Variants in DOCK8 observed in about 807,000 individuals in gnomAD.
DOCK8 encodes dedicator of cytokinesis protein 8.
Under a neutral mutation model 245.6 loss-of-function variants are expected in DOCK8, and 141 were observed. That is an observed-to-expected ratio of 0.57 (90% CI 0.50 to 0.66). The LOEUF (loss-of-function observed/expected upper bound fraction) is 0.66, where lower values mean the gene tolerates loss of function less well. DOCK8 is among the 30% of genes least tolerant of loss of function. DOCK8 has a pLI of 0.00. For synonymous variants in DOCK8, 1,168 were observed against 970.2 expected (o/e 1.20, Z -3.79); for missense variants, 2,965 against 2,603.4 (o/e 1.14, Z -3.02).
chr9:284,119 A>G (rs1251087102), intron 2 of DOCK8, among the ~76,000 whole-genome samples: 1 of 152,218 alleles, frequency 6.6e-6, no homozygotes, highest in Non-Finnish European at 1.5e-5. Context: ...AAGTCATTCA[A>G]TCCTGACTCT....
chr9:214,628 G>C (rs2046689258), upstream of DOCK8: 1 of 1,612,804 alleles, frequency 6.2e-7, no homozygotes, highest in Non-Finnish European at 8.5e-7. Flanking sequence ...GCGCGCAGTG[G>C]TCGCCTGTCG....
intron 36 of DOCK8, among the ~76,000 whole-genome samples, chr9:430,572 C>G (rs1178647529): frequency 1.3e-5 from 2 of 151,582 alleles, no homozygotes; most frequent in Admixed American, 1.3e-4. Context: ...ATCTTAGCTA[C>G]TGGGGAGGCT....
intron 35 of DOCK8, among the ~76,000 whole-genome samples, chr9:428,821 G>A (rs2056597825): frequency 6.6e-6 from 1 of 152,194 alleles, no homozygotes; most frequent in Non-Finnish European, 1.5e-5. Context: ...TACCTCTGCT[G>A]AGTGAGATTA....
At chr9:238,998 A>G (rs1015120650) in intron 1 of DOCK8, among the ~76,000 whole-genome samples, 3 of 152,124 alleles carry the variant, frequency 2.0e-5, no homozygotes, top group African/African-American at 7.2e-5. Context: ...TACTCTGTGC[A>G]TGTTTGGGAT....
chr9:214,923 GC>G lies in DOCK8; in HGVS notation c.-49del, dbSNP rs770246521. On this transcript the variant is annotated 5_prime_UTR_variant, in exon 1 of 48. The change abolishes the stop of an existing upstream ORF in the 5' untranslated region. Coordinates refer to ENST00000432829, the MANE Select transcript of DOCK8 (RefSeq NM_203447.4). ...CCGCGGCTACTCTGCGGCGCGCCAG[GC>G]CCCCGCTTTCCGCACCCCGCGACCC... 6 of 1,604,144 alleles carry G rather than the reference GC, an allele frequency of 3.7e-6. No individual in the cohort carries two copies. Among genetic ancestry groups the G allele is most frequent in the Non-Finnish European group, 4.2e-6 (5 of 1,177,092 alleles).
intron 4 of DOCK8, among the ~76,000 whole-genome samples, chr9:302,857 G>A (rs1214636700): frequency 6.6e-6 from 1 of 152,146 alleles, no homozygotes; most frequent in African/African-American, 2.4e-5. Context: ...GACTGGGCAT[G>A]TGGCTTATGC....
chr9:219,260 A>G (rs1423465351), intron 1 of DOCK8, among the ~76,000 whole-genome samples: 1 of 152,188 alleles, frequency 6.6e-6, no homozygotes, highest in Non-Finnish European at 1.5e-5. Context: ...ACCTGAGGTC[A>G]GGAGTTCAAG....
intron 14 of DOCK8, among the ~76,000 whole-genome samples, chr9:356,545 AG>A (rs1417938389): frequency 2.0e-5 from 3 of 150,980 alleles, no homozygotes; most frequent in Non-Finnish European, 3.0e-5. Context: ...AAAAAAAAAA[AG>A]AAAAAATTTG....
intron 1 of DOCK8, among the ~76,000 whole-genome samples, chr9:234,792 A>G (rs1407581251): frequency 6.7e-6 from 1 of 148,672 alleles, no homozygotes; most frequent in East Asian, 2.2e-4. Flanking sequence ...CTAGTTATCC[A>G]TTCGTCTATT....
chr9:241,862 C>T (rs2047381113), intron 1 of DOCK8, among the ~76,000 whole-genome samples: 1 of 152,180 alleles, frequency 6.6e-6, no homozygotes, highest in Non-Finnish European at 1.5e-5. Context: ...AATCCTCCCA[C>T]TTCAGCCTCC....
intron 1 of DOCK8, among the ~76,000 whole-genome samples, chr9:222,127 G>C (rs1385421352): frequency 3.9e-5 from 6 of 151,906 alleles, no homozygotes; most frequent in African/African-American, 9.7e-5. Context: ...GGCAGACAGG[G>C]TGGTGCATGC....
chr9:420,467 A>G lies in DOCK8; in HGVS notation c.3907A>G (p.Ile1303Val), dbSNP rs890968867. 4 of 1,614,158 alleles carry G rather than the reference A, an allele frequency of 2.5e-6. No individual in the cohort carries two copies. The African/African-American group carries it at 4.0e-5, about 16-fold the overall frequency. ...TRNLMICFLW[I>V]MKNADQSLIR... is the part of the protein sequence containing the mutation. ...CAACCTCATGATCTGCTTCCTCTGG[A>G]TCATGAAAAATGCTGATCAGAGCCT... The change falls in exon 31 of 48, where the codon ATC (isoleucine) becomes GTC (valine). Residue 1303 changes from isoleucine (I) to valine (V), a missense_variant. Physicochemically the swap from Ile to Val is conservative, Grantham distance 29 (BLOSUM62 3). This residue lies in a region of DOCK8 where 2,825 missense variants were observed against 2,453.5 expected (regional missense o/e 1.15). Transcript: ENST00000432829.
At chr9:333,324 G>A (rs182293778) in intron 10 of DOCK8, among the ~76,000 whole-genome samples, 19 of 152,318 alleles carry the variant, frequency 1.2e-4, no homozygotes, top group East Asian at 5.8e-4. Context: ...GGCCTTGGCC[G>A]GGCGTGGTGG....
At chr9:446,927 A>G (rs777207937) in intron 44 of DOCK8, among the ~76,000 whole-genome samples, 2 of 151,934 alleles carry the variant, frequency 1.3e-5, no homozygotes, top group Admixed American at 1.3e-4. Context: ...TACCTTTTAA[A>G]TATTTTATAT....
At chr9:392,769 A>G (rs925754730) in intron 24 of DOCK8, among the ~76,000 whole-genome samples, 1 of 152,146 alleles carries the variant, frequency 6.6e-6, no homozygotes, top group African/African-American at 2.4e-5. Context: ...CTGGCAGGAA[A>G]GGGACTGGGC....
intron 45 of DOCK8, among the ~76,000 whole-genome samples, chr9:450,959 G>A (rs758949123): frequency 4.0e-5 from 6 of 151,792 alleles, no homozygotes; most frequent in Non-Finnish European, 7.4e-5. Flanking sequence ...ACCATTTGAT[G>A]TAGTTGTATT....
rs187790226 is a variant in DOCK8 at position 378,062 on chromosome 9, G to C, written c.2440+851G>C. 3.2e-3 allele frequency among the ~76,000 whole-genome samples: 483 copies of C among 152,268 alleles called. 1 individual carries two copies. Among genetic ancestry groups the C allele is most frequent in the African/African-American group, 0.011 (453 of 41,544 alleles). ...GCCCAGTACTGTACTAAAAGTTGTA[G>C]GCTTTGTGACAATAACCAAGAGCAT... On this transcript the variant is annotated intron_variant, in intron 20 of 47. Coordinates refer to ENST00000432829, the MANE Select transcript of DOCK8 (RefSeq NM_203447.4).
chr9:427,595 C>T (rs1234872385), intron 34 of DOCK8, among the ~76,000 whole-genome samples: 1 of 152,090 alleles, frequency 6.6e-6, no homozygotes, highest in African/African-American at 2.4e-5. Flanking sequence ...TTTTTAATTA[C>T]CCTGAAAAAT....
intron 37 of DOCK8, among the ~76,000 whole-genome samples, chr9:433,315 A>G (rs115110918): frequency 1.7e-3 from 259 of 152,356 alleles, no homozygotes; most frequent in African/African-American, 5.9e-3. Context: ...GGATAAGACA[A>G]CATTCTGTGG....
Sources: gnomAD v4.1 joint callset for allele counts (sites outside exome capture counted in the v4.1 genomes callset) on GRCh38, gnomAD v4.1.1 for gene constraint, gnomAD v4.1.1 regional missense constraint, MANE v1.5 for transcripts, NCBI Gene and HGNC (gene_info 2026-07-23, HGNC 2026-07-21) for gene names.